Variants in SH3PXD2A observed in about 807,000 individuals in gnomAD.
SH3PXD2A encodes SH3 and PX domain-containing protein 2A.
Under a neutral mutation model 115.2 loss-of-function variants are expected in SH3PXD2A, and 32 were observed. That is an observed-to-expected ratio of 0.28 (90% CI 0.21 to 0.37). SH3PXD2A has a LOEUF of 0.37. Among genes scored for constraint, SH3PXD2A ranks in the 10% least tolerant of loss-of-function variants. The probability of loss-of-function intolerance (pLI) is 1.00; values close to 1 mark genes in which losing one functional copy is unlikely to be tolerated. For missense variants in SH3PXD2A, 1,328 were observed against 1,498.7 expected (o/e 0.89, Z 1.88); for synonymous variants, 610 against 629.1 (o/e 0.97, Z 0.45).
chr10:103,752,753 T>TGTTGAATCG (rs2038593080), intron 3 of SH3PXD2A, among the ~76,000 whole-genome samples: 1 of 152,228 alleles, frequency 6.6e-6, no homozygotes, highest in South Asian at 2.1e-4. Flanking sequence ...TTCAGTACTC[T>TGTTGAATCG]GTTGAATCGT....
chr10:103,838,582 C>T (rs993065824), intron 1 of SH3PXD2A, among the ~76,000 whole-genome samples: 2 of 152,170 alleles, frequency 1.3e-5, no homozygotes, highest in Non-Finnish European at 2.9e-5. Flanking sequence ...AGGCAGCACC[C>T]CAAATGTTGG....
Position 103,704,323 on chromosome 10 carries a change from G to C in SH3PXD2A, c.399-11267C>G, listed in dbSNP as rs549524949. Among the ~76,000 whole-genome samples, 3 of 152,118 alleles carry C rather than the reference G, an allele frequency of 2.0e-5. No homozygotes were observed. In the South Asian group the frequency reaches 6.2e-4, roughly 32 times the overall value. Reference sequence around the variant, plus strand: ...AGGGACACGGGCCTGGCTGGCCTCAGGGGGAGGGGGGAGCAAGGCTTGGGG... The same window carrying C: ...AGGGACACGGGCCTGGCTGGCCTCACGGGGAGGGGGGAGCAAGGCTTGGGG... On this transcript the variant is annotated intron_variant, in intron 5 of 14. Coordinates refer to ENST00000369774, the MANE Select transcript of SH3PXD2A (RefSeq NM_001394015.1).
chr10:103,670,118 C>T (rs1434774039), intron 6 of SH3PXD2A, among the ~76,000 whole-genome samples: 1 of 152,198 alleles, frequency 6.6e-6, no homozygotes, highest in Non-Finnish European at 1.5e-5. Context: ...CCTCACTCAG[C>T]AAGCCACCTT....
intron 2 of SH3PXD2A, among the ~76,000 whole-genome samples, chr10:103,780,008 C>T (rs1168834350): frequency 6.6e-6 from 1 of 152,242 alleles, no homozygotes; most frequent in Non-Finnish European, 1.5e-5. Context: ...CCCCTAGCCC[C>T]AATTGTTCTT....
chr10:103,820,750 C>T, intron 1 of SH3PXD2A, among the ~76,000 whole-genome samples: 1 of 152,200 alleles, frequency 6.6e-6, no homozygotes, highest in South Asian at 2.1e-4. Flanking sequence ...GTTGGGCGCC[C>T]CTCCCAGCCA....
intron 7 of SH3PXD2A, among the ~76,000 whole-genome samples, chr10:103,663,720 AG>A (rs1449289725): frequency 6.6e-6 from 1 of 152,224 alleles, no homozygotes; most frequent in Non-Finnish European, 1.5e-5. Context: ...CCTCCAACCT[AG>A]GGCAGACGGC....
At chr10:103,736,628 C>T (rs2038383823) in intron 3 of SH3PXD2A, among the ~76,000 whole-genome samples, 1 of 152,280 alleles carries the variant, frequency 6.6e-6, no homozygotes, top group Non-Finnish European at 1.5e-5. Flanking sequence ...AGAAGGCCTT[C>T]CTTGATTGGC....
chr10:103,800,558 A>G (rs977585391), intron 2 of SH3PXD2A, among the ~76,000 whole-genome samples: 3 of 152,170 alleles, frequency 2.0e-5, no homozygotes, highest in South Asian at 4.1e-4. Context: ...TGCCCTTCTC[A>G]CCATGTGGTC....
At chr10:103,796,859 C>CTTTTTTT (rs11352709) in intron 2 of SH3PXD2A, among the ~76,000 whole-genome samples, 3 of 114,130 alleles carry the variant, frequency 2.6e-5, no homozygotes, top group Non-Finnish European at 3.6e-5. Context: ...TTTGGAACAT[C>CTTTTTTT]TTTTTTTTTT....
chr10:103,644,936 T>C (rs980723046), intron 8 of SH3PXD2A, among the ~76,000 whole-genome samples: 1 of 152,170 alleles, frequency 6.6e-6, no homozygotes, highest in African/African-American at 2.4e-5. Context: ...CTGGGAGAAG[T>C]ACCCCGTCTT....
intron 3 of SH3PXD2A, among the ~76,000 whole-genome samples, chr10:103,743,279 C>G (rs1016423778): frequency 6.6e-6 from 1 of 152,114 alleles, no homozygotes; most frequent in Non-Finnish European, 1.5e-5. Context: ...ACAAACGACC[C>G]CTCTTTCATT....
chr10:103,725,023 C>T (rs1410433720), intron 4 of SH3PXD2A, among the ~76,000 whole-genome samples: 1 of 152,192 alleles, frequency 6.6e-6, no homozygotes, highest in Admixed American at 6.5e-5. Context: ...TATTTCATGA[C>T]AAGTTGATAA....
chr10:103,744,442 C>T (rs963573562), intron 3 of SH3PXD2A, among the ~76,000 whole-genome samples: 13 of 151,466 alleles, frequency 8.6e-5, no homozygotes, highest in African/African-American at 1.9e-4. Flanking sequence ...CATGAGCCAC[C>T]GCACCTGGCC....
At chr10:103,771,738 A>C (rs967620765) in intron 2 of SH3PXD2A, among the ~76,000 whole-genome samples, 3 of 143,004 alleles carry the variant, frequency 2.1e-5, no homozygotes, top group Non-Finnish European at 4.6e-5. Flanking sequence ...CCGTCAAAAC[A>C]ACACACACAC....
At chr10:103,783,607 C>T (rs2038953500) in intron 2 of SH3PXD2A, among the ~76,000 whole-genome samples, 3 of 152,140 alleles carry the variant, frequency 2.0e-5, no homozygotes, top group Admixed American at 6.5e-5. Context: ...ACAGGTGTGC[C>T]CCGTACAGGT....
intron 1 of SH3PXD2A, among the ~76,000 whole-genome samples, chr10:103,808,706 G>A (rs1252407060): frequency 1.3e-5 from 2 of 152,116 alleles, no homozygotes; most frequent in East Asian, 1.9e-4. Context: ...ATCTGCCTTC[G>A]TTTGCTAATT....
chr10:103,724,222 T>C (rs774278188), intron 5 of SH3PXD2A, 48 bp downstream of exon 5: 1 of 1,096,898 alleles, frequency 9.1e-7, no homozygotes, highest in Admixed American at 3.0e-5. Context: ...GCCATTGCTT[T>C]AGCCCACGCC....
At chr10:103,836,303 T>TAC (rs138763272) in intron 1 of SH3PXD2A, among the ~76,000 whole-genome samples, 484 of 151,768 alleles carry the variant, frequency 3.2e-3, no homozygotes, top group African/African-American at 0.011. Context: ...CAGCTTTTAT[T>TAC]ACACACACAC....
At chr10:103,770,858 G>A (rs148084157) in intron 2 of SH3PXD2A, among the ~76,000 whole-genome samples, 19 of 152,248 alleles carry the variant, frequency 1.2e-4, no homozygotes, top group South Asian at 6.2e-4. Flanking sequence ...TAGCACTGTC[G>A]TGAATCCCCT....
Sources: allele counts gnomAD v4.1 joint callset (sites outside exome capture counted in the v4.1 genomes callset), GRCh38; gene constraint gnomAD v4.1.1; transcripts MANE v1.5; gene names NCBI Gene and HGNC (gene_info 2026-07-23, HGNC 2026-07-21).